The following MAZ variants were observed in gnomAD, a reference collection of about 807,000 sequenced individuals.
The protein encoded by MAZ is MYC associated zinc finger protein.
A neutral mutation model predicts 32.7 loss-of-function variants in MAZ; 4 were observed. The ratio of observed to expected loss-of-function variants is 0.12; its 90% CI spans 0.06 to 0.28. The LOEUF is 0.28. MAZ is among the 10% of genes least tolerant of loss of function. The probability of loss-of-function intolerance (pLI) is 1.00; values close to 1 mark genes in which losing one functional copy is unlikely to be tolerated. For synonymous variants in MAZ, 510 were observed against 297.6 expected (o/e 1.71, Z -7.35); for missense variants, 763 against 667.2 (o/e 1.14, Z -1.58).
chr16:29,811,041 C>T lies in MAZ; in HGVS notation c.*810C>T, dbSNP rs968941262. On this transcript the variant is annotated 3_prime_UTR_variant, in exon 5 of 5. Transcript: ENST00000322945. Reference sequence around the variant, plus strand: ...GGTCTTGTCTTTTCATCCCTCTTCCCCACGACAGAAGAAGTTGTGGCCCTG... The same window carrying T: ...GGTCTTGTCTTTTCATCCCTCTTCCTCACGACAGAAGAAGTTGTGGCCCTG... 8 of 455,136 alleles carry T rather than the reference C, an allele frequency of 1.8e-5. No homozygotes were observed. The highest frequency in any genetic ancestry group is 3.1e-5 in the Non-Finnish European group (7 of 226,420). The allele number at this position is 455,136 out of a possible 1,614,324, so 28.2% of individuals were successfully genotyped here.
chr16:29,806,907 G>C lies in MAZ; in HGVS notation c.192+14G>C. 1 of 1,296,532 alleles carries C rather than the reference G, an allele frequency of 7.7e-7. No individual in the cohort carries two copies. Among genetic ancestry groups the C allele is most frequent in the Non-Finnish European group, 9.9e-7 (1 of 1,012,036 alleles). 80.3% of individuals were successfully genotyped at this position (1,296,532 alleles called of 1,614,324 possible). ...AGTCCATTCCAGGTGAGTAGGGCCG[G>C]CCGCGGCGGCCCGGGCTGGGGGGGG... On this transcript the variant is annotated intron_variant, in intron 1 of 4. Transcript: ENST00000322945.
chr16:29,806,790 C>G lies in MAZ; in HGVS notation c.89C>G (p.Ser30Cys), dbSNP rs775316028. The G allele has an allele frequency of 4.9e-6, 7 of 1,435,586 alleles. No homozygotes were observed. The highest frequency in any genetic ancestry group is 6.4e-6 in the Non-Finnish European group (7 of 1,087,628). The allele number at this position is 1,435,586 out of a possible 1,614,324, so 88.9% of individuals were successfully genotyped here. A position where few individuals can be genotyped will look rare whatever the true frequency, so the allele number is the denominator to read the frequency against. Residue 30 changes from serine to cysteine, a missense_variant, in exon 1 of 5, where the codon TCC becomes TGC. Physicochemically the swap from Ser to Cys is moderately radical, Grantham distance 112. Transcript: ENST00000322945. ...CGGGGGGTGGGCGGCCTCATGAACTCCTTCCCGCCACCTCAGGGTCACGCC... is the reference window on the plus strand; with the variant it reads ...CGGGGGGTGGGCGGCCTCATGAACTGCTTCCCGCCACCTCAGGGTCACGCC... ...DSRGVGGLMNSFPPPQGHAQN... is the reference protein window; with the variant it reads ...DSRGVGGLMNCFPPPQGHAQN...
rs1225713298 is a variant in MAZ at position 29,806,682 on chromosome 16, GCC to G, written c.-17_-16del. 8.9e-7 allele frequency: 1 copy of G among 1,126,874 alleles called. No individual in the cohort carries two copies. The highest frequency in any genetic ancestry group is 1.7e-5 in the African/African-American group (1 of 58,674). 69.8% of individuals were successfully genotyped at this position (1,126,874 alleles called of 1,614,324 possible). A position where few individuals can be genotyped will look rare whatever the true frequency, so the allele number is the denominator to read the frequency against. On this transcript the variant is annotated 5_prime_UTR_variant, in exon 1 of 5. Transcript: ENST00000322945. ...CCCCGGCCCCCGCTGAGCCCCGGGG[GCC>G]CCGCTGCGGCCGAGGCCATGTTCCC...
In MAZ at chr16:29,810,705, G is replaced by C. The variant is rs1354449302; in HGVS notation, c.*474G>C. 2 of 450,010 alleles carry C rather than the reference G, an allele frequency of 4.4e-6. No individual in the cohort carries two copies. Among genetic ancestry groups the C allele is most frequent in the South Asian group, 4.2e-5 (2 of 47,532 alleles). 27.9% of individuals were successfully genotyped at this position (450,010 alleles called of 1,614,324 possible). On this transcript the variant is annotated 3_prime_UTR_variant, in exon 5 of 5. Transcript: ENST00000322945. Reference sequence around the variant, plus strand: ...GGGGGAGGGAGGAGAGGAAGGAGGGGGATCAGAGCTGTCCCAAAGAGGGAA... The same window carrying C: ...GGGGGAGGGAGGAGAGGAAGGAGGGCGATCAGAGCTGTCCCAAAGAGGGAA...
chr16:29,808,072 C>G (rs756287273), intron 2 of MAZ, 158 bp from the exon 3 acceptor site: 12 of 971,750 alleles, frequency 1.2e-5, no homozygotes, highest in Admixed American at 9.6e-5. Flanking sequence ...GCGGCAGCGG[C>G]TGCTGGGCTC....
chr16:29,806,209 C>A, upstream of MAZ: 1 of 371,054 alleles, frequency 2.7e-6, no homozygotes, highest in African/African-American at 4.5e-5. Context: ...CGCCCCCACC[C>A]CCCTGCCCAC....
chr16:29,808,046 G>A, intron 2 of MAZ, 184 bp from the exon 3 acceptor site: 2 of 1,054,798 alleles, frequency 1.9e-6, no homozygotes, highest in South Asian at 1.5e-5. Flanking sequence ...GCTTCGCGTG[G>A]GAGGAGGCGG....
At chr16:29,807,889 G>T (rs747013957) in intron 2 of MAZ, 61 bp downstream of exon 2, 1 of 1,572,108 alleles carries the variant, frequency 6.4e-7, no homozygotes, top group African/African-American at 1.3e-5. Context: ...GACGGAGGTG[G>T]CCTGGCCGTG....
intron 4 of MAZ, chr16:29,809,073 G>T (rs1020049362): frequency 1.9e-6 from 1 of 528,222 alleles, no homozygotes; most frequent in South Asian, 2.8e-5. Context: ...CAGCCACAAG[G>T]TCTTGTCTCC....
chr16:29,810,288 C>G lies in MAZ; in HGVS notation c.*57C>G, dbSNP rs912841120. 3 of 1,494,598 alleles carry G rather than the reference C, an allele frequency of 2.0e-6. No homozygotes were observed. Among genetic ancestry groups the G allele is most frequent in the Non-Finnish European group, 2.7e-6 (3 of 1,097,258 alleles). 92.6% of individuals were successfully genotyped at this position (1,494,598 alleles called of 1,614,324 possible). ...ATGGAGTAGAGTCCCTTGGTACAAGCTCCTCTCCCCCCTCTTTTCCCACCA... is the reference window on the plus strand; with the variant it reads ...ATGGAGTAGAGTCCCTTGGTACAAGGTCCTCTCCCCCCTCTTTTCCCACCA... On this transcript the variant is annotated 3_prime_UTR_variant, in exon 5 of 5. Transcript: ENST00000322945.
In MAZ at chr16:29,808,620, A is replaced by G. The variant is rs1295900858; in HGVS notation, c.1158A>G (p.Val386=). The part of the protein sequence containing the change: ...ATKDRLRAHT[V]RHEEKVPCHV... ...AGGATCGGCTGCGGGCGCACACAGT[A>G]CGACACGAGGAGAAAGTGCCATGTC... Residue 386 remains valine (V), a synonymous_variant, in exon 4 of 5, where the codon GTA becomes GTG. Transcript: ENST00000322945. 6.2e-7 allele frequency: 1 copy of G among 1,613,286 alleles called. No homozygotes were observed. Among genetic ancestry groups the G allele is most frequent in the East Asian group, 2.2e-5 (1 of 44,840 alleles).
At position 29,808,593 on chromosome 16, in the gene MAZ, G is replaced by A. The variant is rs769154931; in HGVS notation, c.1131G>A (p.Thr377=). 4.3e-6 allele frequency: 7 copies of A among 1,610,452 alleles called. No homozygotes were observed. In the East Asian group the frequency reaches 1.6e-4, roughly 36 times the overall value. ...KCEKCEAAFA[T]KDRLRAHTVR... ...AGAAATGTGAGGCAGCTTTCGCCAC[G>A]AAGGATCGGCTGCGGGCGCACACAG... is the stretch of plus-strand genomic sequence containing the variant. The change falls in exon 4 of 5, where the codon ACG becomes ACA. Residue 377 remains threonine, a synonymous_variant. Coordinates refer to ENST00000322945, the MANE Select transcript of MAZ (RefSeq NM_002383.4).
chr16:29,810,130 G>A lies in MAZ; in HGVS notation c.1333G>A (p.Ala445Thr). 6.2e-7 allele frequency: 1 copy of A among 1,609,298 alleles called. No homozygotes were observed. The highest frequency in any genetic ancestry group is 8.5e-7 in the Non-Finnish European group (1 of 1,177,774). Residue 445 changes from alanine (A) to threonine (T), a missense_variant, in exon 5 of 5, where the codon GCA becomes ACA. Coordinates refer to ENST00000322945, the MANE Select transcript of MAZ (RefSeq NM_002383.4). ...AAAAAAAAAA[A>T]AAAVAAPPTA... ...GGCAGCGGCAGCGGCGGCAGCGGCA[G>A]CAGCGGCAGCAGTAGCAGCCCCTCC... is the stretch of plus-strand genomic sequence containing the variant.
At position 29,808,556 on chromosome 16, in the gene MAZ, T is replaced by G; in HGVS notation, c.1108-14T>G. 8.2e-7 allele frequency: 1 copy of G among 1,216,768 alleles called. No individual in the cohort carries two copies. The highest frequency in any genetic ancestry group is 2.5e-5 in the African/African-American group (1 of 39,530). 75.4% of individuals were successfully genotyped at this position (1,216,768 alleles called of 1,614,324 possible). On this transcript the variant is annotated splice_polypyrimidine_tract_variant and intron_variant, in intron 3 of 4. Transcript: ENST00000322945. The stretch of plus-strand genomic sequence containing the variant: ...TCTCCTGTGACACCCCCCACGCCCC[T>G]CCCCCCTCCTCAGAAATGTGAGGCA...
rs1899751230 is a variant in MAZ at position 29,809,145 on chromosome 16, G to T, written c.1279+404G>T. The T allele has an allele frequency of 1.8e-5, 9 of 495,722 alleles. No homozygotes were observed. The South Asian group carries it at 2.7e-4, about 15-fold the overall frequency. The allele number at this position is 495,722 out of a possible 1,614,324, so 30.7% of individuals were successfully genotyped here. ...TACCAGCACGCACCCTGCACGGGTA[G>T]CAGAGAAAGCTGCCTTCAGTCAGAC... On this transcript the variant is annotated intron_variant, in intron 4 of 4. Transcript: ENST00000322945.
Position 29,811,026 on chromosome 16 carries a change from T to TTTCA in MAZ, c.*797_*800dup, listed in dbSNP as rs1555502026. 4.4e-6 allele frequency: 2 copies of TTTCA among 454,464 alleles called. No homozygotes were observed. Among genetic ancestry groups the TTTCA allele is most frequent in the Non-Finnish European group, 8.8e-6 (2 of 226,044 alleles). 28.2% of individuals were successfully genotyped at this position (454,464 alleles called of 1,614,324 possible). A position where few individuals can be genotyped will look rare whatever the true frequency, so the allele number is the denominator to read the frequency against. ...CCCAGCTCCAGCCCTGGTCTTGTCT[T>TTTCA]TTCATCCCTCTTCCCCACGACAGAA... On this transcript the variant is annotated 3_prime_UTR_variant, in exon 5 of 5. Transcript: ENST00000322945.
chr16:29,808,866 G>A, intron 4 of MAZ, 125 bp downstream of exon 4: 7 of 891,130 alleles, frequency 7.9e-6, no homozygotes, highest in Non-Finnish European at 1.2e-5. Context: ...TCCTACAAGA[G>A]GTCAAGGGAG....
Position 29,807,565 on chromosome 16 carries a change from G to GGCCGCCGCAGC in MAZ, c.787_788insCAGCGCCGCCG (p.Gly263AlafsTer8). 6.2e-7 allele frequency: 1 copy of GGCCGCCGCAGC among 1,606,532 alleles called. No homozygotes were observed. Among genetic ancestry groups the GGCCGCCGCAGC allele is most frequent in the Non-Finnish European group, 8.5e-7 (1 of 1,177,116 alleles). On this transcript the variant is annotated frameshift_variant, in exon 2 of 5. Coordinates refer to ENST00000322945, the MANE Select transcript of MAZ (RefSeq NM_002383.4). LOFTEE classifies it high-confidence loss of function. The stretch of plus-strand genomic sequence containing the variant: ...GTGCCGGCGGCGGCGCTGCCGCAGT[G>GGCCGCCGCAGC]GCCGCCGGTGGCGTGGTGACCACGA...
chr16:29,809,085 G>A (rs1342078272), intron 4 of MAZ: 2 of 520,464 alleles, frequency 3.8e-6, no homozygotes, highest in Non-Finnish European at 6.7e-6. Flanking sequence ...CTTGTCTCCA[G>A]CTCCTGGGGC....
Sources: gnomAD v4.1 joint callset for allele counts on GRCh38, gnomAD v4.1.1 for gene constraint, MANE v1.5 for transcripts, NCBI Gene and HGNC (gene_info 2026-07-23, HGNC 2026-07-21) for gene names.